Variants in SLC30A8 observed in about 807,000 individuals in gnomAD.
The protein encoded by SLC30A8 is solute carrier family 30 member 8.
SLC30A8 carries 27 observed loss-of-function variants against 36.9 expected under a neutral mutation model. That is an observed-to-expected ratio of 0.73 (90% CI 0.54 to 1.01). The LOEUF is 1.01. SLC30A8 is among the 50% of genes least tolerant of loss of function. The pLI is 0.00. For missense variants in SLC30A8, 439 were observed against 452.0 expected (o/e 0.97, Z 0.26); for synonymous variants, 164 against 172.4 (o/e 0.95, Z 0.38).
At chr8:117,129,085 A>C (rs1319203890) in intron 2 of SLC30A8, among the ~76,000 whole-genome samples, 2 of 151,994 alleles carry the variant, frequency 1.3e-5, no homozygotes, top group African/African-American at 4.8e-5. Context: ...AATTTAATAC[A>C]CTGTTGGGTG....
At chr8:116,961,734 C>A (rs960462184) in intron 1 of SLC30A8, among the ~76,000 whole-genome samples, 7 of 151,908 alleles carry the variant, frequency 4.6e-5, no homozygotes, top group African/African-American at 1.7e-4. Context: ...AATGCTATGT[C>A]CTGACTTGCT....
chr8:116,979,238 CAAAAA>C (rs67998633), intron 1 of SLC30A8, among the ~76,000 whole-genome samples: 1 of 64,282 alleles, frequency 1.6e-5, no homozygotes, highest in Admixed American at 2.5e-4. Flanking sequence ...GACCCTGTCT[CAAAAA>C]AAAAAAAAAA....
intron 2 of SLC30A8, among the ~76,000 whole-genome samples, chr8:117,077,568 T>C (rs1007150515): frequency 6.6e-6 from 1 of 152,250 alleles, no homozygotes. Flanking sequence ...ATCTGTAAGA[T>C]GTATATCTCT....
intron 1 of SLC30A8, among the ~76,000 whole-genome samples, chr8:117,037,867 AAGAG>A (rs1334371974): frequency 6.6e-6 from 1 of 152,206 alleles, no homozygotes; most frequent in Non-Finnish European, 1.5e-5. Flanking sequence ...AAGCATTTAA[AAGAG>A]AGAGAAAGTT....
chr8:117,045,141 G>A (rs913932560), intron 2 of SLC30A8, among the ~76,000 whole-genome samples: 1 of 152,174 alleles, frequency 6.6e-6, no homozygotes, highest in South Asian at 2.1e-4. Context: ...ATGGAACCAC[G>A]ATTTGACCTT....
At chr8:117,066,626 T>C (rs1443436965) in intron 2 of SLC30A8, among the ~76,000 whole-genome samples, 1 of 152,128 alleles carries the variant, frequency 6.6e-6, no homozygotes, top group Admixed American at 6.6e-5. Flanking sequence ...ATCTCCTGGA[T>C]GTTGTGATTG....
At chr8:116,976,643 G>A (rs1219279715) in intron 1 of SLC30A8, among the ~76,000 whole-genome samples, 6 of 152,084 alleles carry the variant, frequency 3.9e-5, no homozygotes, top group African/African-American at 1.4e-4. Context: ...AGAGGGCAAA[G>A]CCAGGAGCGC....
At chr8:116,978,459 A>G (rs1002392060) in intron 1 of SLC30A8, among the ~76,000 whole-genome samples, 1 of 151,878 alleles carries the variant, frequency 6.6e-6, no homozygotes, top group Non-Finnish European at 1.5e-5. Flanking sequence ...TTGATGCTTT[A>G]TATAGTCTTT....
intron 1 of SLC30A8, among the ~76,000 whole-genome samples, chr8:116,958,754 T>C (rs1227616038): frequency 6.6e-6 from 1 of 152,054 alleles, no homozygotes; most frequent in African/African-American, 2.4e-5. Context: ...AAGTATTTTT[T>C]TCTTTCTATC....
At chr8:117,167,504 T>TATAC (rs1491223080) in intron 6 of SLC30A8, among the ~76,000 whole-genome samples, 32 of 142,158 alleles carry the variant, frequency 2.3e-4, no homozygotes, top group Non-Finnish European at 4.0e-4. Flanking sequence ...CATACATACA[T>TATAC]GTATATGTAT....
intron 2 of SLC30A8, among the ~76,000 whole-genome samples, chr8:117,058,806 CCA>C (rs138407156): frequency 1.3e-5 from 2 of 152,146 alleles, no homozygotes; most frequent in Admixed American, 6.5e-5. Context: ...TTATTGGAAT[CCA>C]CACACACACC....
At chr8:117,104,527 A>G (rs1343595216) in intron 2 of SLC30A8, among the ~76,000 whole-genome samples, 1 of 152,140 alleles carries the variant, frequency 6.6e-6, no homozygotes, top group African/African-American at 2.4e-5. Context: ...GGTATTCTCT[A>G]AAACAATAGA....
intron 2 of SLC30A8, among the ~76,000 whole-genome samples, chr8:117,084,343 G>A (rs1818787057): frequency 1.3e-5 from 2 of 152,228 alleles, no homozygotes; most frequent in African/African-American, 4.8e-5. Context: ...CCCAAGTTTT[G>A]TAGTAGGACT....
intron 2 of SLC30A8, among the ~76,000 whole-genome samples, chr8:117,041,340 G>A (rs1310159858): frequency 2.0e-5 from 3 of 152,158 alleles, no homozygotes; most frequent in Non-Finnish European, 4.4e-5. Flanking sequence ...CATCACCTTG[G>A]CAGGTTGAAA....
At chr8:116,972,185 C>A (rs1218403399) in intron 1 of SLC30A8, among the ~76,000 whole-genome samples, 3 of 152,316 alleles carry the variant, frequency 2.0e-5, no homozygotes, top group Admixed American at 6.5e-5. Flanking sequence ...ACACCTCACC[C>A]TCTAACCATT....
intron 2 of SLC30A8, among the ~76,000 whole-genome samples, chr8:117,075,559 G>C (rs141459946): frequency 3.3e-5 from 5 of 152,280 alleles, no homozygotes; most frequent in African/African-American, 1.2e-4. Flanking sequence ...TGTGCTTTGT[G>C]GCTTCAAATG....
At chr8:117,167,713 T>C (rs1453935162) in intron 6 of SLC30A8, among the ~76,000 whole-genome samples, 2 of 151,282 alleles carry the variant, frequency 1.3e-5, no homozygotes, top group Non-Finnish European at 2.9e-5. Flanking sequence ...TTATAAACAA[T>C]GATGTAATTA....
chr8:116,955,751 C>A (rs1321975161), intron 1 of SLC30A8, among the ~76,000 whole-genome samples: 12 of 150,762 alleles, frequency 8.0e-5, no homozygotes, highest in African/African-American at 2.4e-4. Context: ...AAAAAGAAAA[C>A]AAAAAGACAG....
intron 2 of SLC30A8, among the ~76,000 whole-genome samples, chr8:117,125,116 T>C (rs1820847557): frequency 6.6e-6 from 1 of 151,994 alleles, no homozygotes; most frequent in African/African-American, 2.4e-5. Flanking sequence ...GGTTAAGAAC[T>C]AACAAACTGA....
Sources: gnomAD v4.1 joint callset for allele counts (sites outside exome capture counted in the v4.1 genomes callset) on GRCh38, gnomAD v4.1.1 for gene constraint, MANE v1.5 for transcripts, NCBI Gene and HGNC (gene_info 2026-07-23, HGNC 2026-07-21) for gene names.